The following NUDT4 variants were observed in gnomAD, a reference collection of about 807,000 sequenced individuals.
NUDT4 encodes diphosphoinositol polyphosphate phosphohydrolase 2.
NUDT4 carries 5 observed loss-of-function variants against 23.1 expected under a neutral mutation model. That is an observed-to-expected ratio of 0.22 (90% CI 0.11 to 0.46). The LOEUF (loss-of-function observed/expected upper bound fraction) is 0.46. NUDT4 is among the 20% of genes least tolerant of loss of function. The pLI, the probability that NUDT4 is intolerant of heterozygous loss-of-function variation, is 0.99. For missense variants in NUDT4, 96 were observed against 211.6 expected (o/e 0.45, Z 3.39); for synonymous variants, 50 against 79.0 (o/e 0.63, Z 1.95).
intron 1 of NUDT4, among the ~76,000 whole-genome samples, chr12:93,390,898 T>G (rs1462815361): frequency 1.3e-5 from 2 of 152,188 alleles, no homozygotes; most frequent in Non-Finnish European, 2.9e-5. Flanking sequence ...TGGCCTGGAA[T>G]GCTGCTTTTC....
chr12:93,384,429 A>C (rs749803683), intron 1 of NUDT4, among the ~76,000 whole-genome samples: 7 of 152,064 alleles, frequency 4.6e-5, no homozygotes, highest in Non-Finnish European at 1.0e-4. Context: ...AGCCTCTCAA[A>C]GTGCTGGGAT....
At position 93,401,922 on chromosome 12, in the gene NUDT4, A is replaced by ATTTTT. The variant is rs746372735; in HGVS notation, c.*2557_*2561dup. 3 of 92,774 alleles carry ATTTTT rather than the reference A, an allele frequency of 3.2e-5. No individual in the cohort carries two copies. The highest frequency in any genetic ancestry group is 3.7e-5 in the African/African-American group (1 of 27,084). The allele number at this position is 92,774 out of a possible 1,614,324, so 5.7% of individuals were successfully genotyped here. ...CAGAGTGTTGGGACTGTCATTTGTG[A>ATTTTT]TTTTTTTTTTTTTTTTTTGGTGGGG... On this transcript the variant is annotated 3_prime_UTR_variant, in exon 5 of 5. Transcript: ENST00000415493.
Position 93,402,651 on chromosome 12 carries a change from C to A in NUDT4, c.*3272C>A, listed in dbSNP as rs1269044964. On this transcript the variant is annotated 3_prime_UTR_variant, in exon 5 of 5. Transcript: ENST00000415493. ...TATTCTCCTCATGGATATTTTCAGT[C>A]TCAATGTTGCCAGTCTAATAGTATA... 1 of 152,158 alleles carries A rather than the reference C, an allele frequency of 6.6e-6. No homozygotes were observed. Among genetic ancestry groups the A allele is most frequent in the Non-Finnish European group, 1.5e-5 (1 of 68,038 alleles). The allele number at this position is 152,158 out of a possible 1,614,324, so 9.4% of individuals were successfully genotyped here. A position where few individuals can be genotyped will look rare whatever the true frequency, so the allele number is the denominator to read the frequency against.
rs753311576 is a variant in NUDT4, at chr12:93,398,785, G to A, written c.270G>A (p.Lys90=). The A allele has an allele frequency of 6.2e-7, 1 of 1,603,732 alleles. No homozygotes were observed. Among genetic ancestry groups the A allele is most frequent in the East Asian group, 2.2e-5 (1 of 44,772 alleles). The part of the protein sequence containing the change: ...LLGIFENQDR[K]HRTYVYVLTV... ...TATTCAAGCAGAACCAAGACCGAAAGCACAGAACATATGTTTATGTTCTAA... is the reference window on the plus strand; with the variant it reads ...TATTCAAGCAGAACCAAGACCGAAAACACAGAACATATGTTTATGTTCTAA... Residue 90 remains lysine, a synonymous_variant, in exon 4 of 5, where the codon AAG becomes AAA. Coordinates refer to ENST00000415493, the MANE Select transcript of NUDT4 (RefSeq NM_019094.6).
At chr12:93,390,955 A>G (rs1477942938) in intron 1 of NUDT4, among the ~76,000 whole-genome samples, 2 of 152,078 alleles carry the variant, frequency 1.3e-5, no homozygotes, top group Admixed American at 6.5e-5. Flanking sequence ...TTAACTCAGC[A>G]TTTTGGGGGC....
intron 1 of NUDT4, among the ~76,000 whole-genome samples, chr12:93,387,217 C>T (rs1397871479): frequency 6.6e-6 from 1 of 152,210 alleles, no homozygotes; most frequent in Non-Finnish European, 1.5e-5. Flanking sequence ...CAGGTATGAG[C>T]CACTGCACCC....
Position 93,404,366 on chromosome 12 carries a change from T to G in NUDT4, c.*4987T>G, listed in dbSNP as rs1411616964. 6.6e-6 allele frequency: 1 copy of G among 152,196 alleles called. No individual in the cohort carries two copies. The highest frequency in any genetic ancestry group is 1.5e-5 in the Non-Finnish European group (1 of 68,028). The allele number at this position is 152,196 out of a possible 1,614,324, so 9.4% of individuals were successfully genotyped here. A position where few individuals can be genotyped will look rare whatever the true frequency, so the allele number is the denominator to read the frequency against. ...AATATTACAGTCATTAGAAATGACA[T>G]TTGCGTAAGGATCTGAGTGGAAACT... is the stretch of plus-strand genomic sequence containing the variant. On this transcript the variant is annotated 3_prime_UTR_variant, in exon 5 of 5. Coordinates refer to ENST00000415493, the MANE Select transcript of NUDT4 (RefSeq NM_019094.6).
chr12:93,396,546 A>C (rs966561665), intron 3 of NUDT4, among the ~76,000 whole-genome samples: 3 of 152,204 alleles, frequency 2.0e-5, no homozygotes, highest in African/African-American at 7.2e-5. Context: ...TTTAAGCCTT[A>C]GGAATTCAGA....
intron 1 of NUDT4, among the ~76,000 whole-genome samples, chr12:93,385,970 T>TATATATATATATATACAC (rs1243696865): frequency 2.5e-5 from 3 of 118,610 alleles, no homozygotes; most frequent in East Asian, 5.5e-4. Flanking sequence ...TATATATATA[T>TATATATATATATATACAC]ACATAATTTT....
At chr12:93,379,559 C>G (rs182599687) in intron 1 of NUDT4, among the ~76,000 whole-genome samples, 113 of 151,946 alleles carry the variant, frequency 7.4e-4, no homozygotes, top group African/African-American at 2.4e-3. Flanking sequence ...GAAATTTGCC[C>G]TTCAAACCCT....
rs1436090196 is a variant in NUDT4, at chr12:93,402,169, G to C, written c.*2790G>C. ...AGCAGCAGAACTGAAGGGGAAAAAT[G>C]ATTGTTGTATACACTGAATTGCTTT... On this transcript the variant is annotated 3_prime_UTR_variant, in exon 5 of 5. Transcript: ENST00000415493. The C allele has an allele frequency of 2.6e-5, 4 of 151,786 alleles. No homozygotes were observed. Among genetic ancestry groups the C allele is most frequent in the African/African-American group, 4.8e-5 (2 of 41,372 alleles). The allele number at this position is 151,786 out of a possible 1,614,324, so 9.4% of individuals were successfully genotyped here.
At chr12:93,378,475 G>C in intron 1 of NUDT4, 54 bp downstream of exon 1, 1 of 1,464,946 alleles carries the variant, frequency 6.8e-7, no homozygotes, top group Non-Finnish European at 9.1e-7. Context: ...TCTAGGGCCC[G>C]GGTGCTTCCC....
rs185792206 is a variant in NUDT4 at position 93,406,743 on chromosome 12, T to C, written c.*7364T>C. 6.6e-6 allele frequency: 1 copy of C among 152,344 alleles called. No homozygotes were observed. The highest frequency in any genetic ancestry group is 6.5e-5 in the Admixed American group (1 of 15,302). The allele number at this position is 152,344 out of a possible 1,614,324, so 9.4% of individuals were successfully genotyped here. A position where few individuals can be genotyped will look rare whatever the true frequency, so the allele number is the denominator to read the frequency against. On this transcript the variant is annotated 3_prime_UTR_variant, in exon 5 of 5. Coordinates refer to ENST00000415493, the MANE Select transcript of NUDT4 (RefSeq NM_019094.6). ...TAAATATTAACATAAGCGGGAGGAT[T>C]TGTGTAGATTGTATGCATATACAAC...
chr12:93,390,949 C>A (rs762773891), intron 1 of NUDT4, among the ~76,000 whole-genome samples: 228 of 152,202 alleles, frequency 1.5e-3, no homozygotes, highest in Non-Finnish European at 2.4e-3. Flanking sequence ...TCTCTTTTAA[C>A]TCAGCATTTT....
intron 1 of NUDT4, among the ~76,000 whole-genome samples, chr12:93,391,920 A>G (rs1876537454): frequency 6.6e-6 from 1 of 152,182 alleles, no homozygotes; most frequent in South Asian, 2.1e-4. Context: ...GTCTCACTCC[A>G]TTGCCCAGGC....
At chr12:93,388,070 T>C (rs929216197) in intron 1 of NUDT4, among the ~76,000 whole-genome samples, 6 of 152,210 alleles carry the variant, frequency 3.9e-5, no homozygotes, top group Admixed American at 3.9e-4. Flanking sequence ...TCTGTCACCA[T>C]GACATCTGTG....
chr12:93,378,795 G>C, intron 1 of NUDT4: 3 of 1,004,940 alleles, frequency 3.0e-6, no homozygotes, highest in Non-Finnish European at 3.6e-6. Flanking sequence ...AATGGCGTGA[G>C]TGTTGCAGCA....
chr12:93,385,941 T>TTATATATATATATATATATATA (rs371683658), intron 1 of NUDT4, among the ~76,000 whole-genome samples: 17 of 104,596 alleles, frequency 1.6e-4, no homozygotes, highest in African/African-American at 5.8e-4. Context: ...GTAAATCTTT[T>TTATATATATATATATATATATA]TATATATATA....
Position 93,398,338 on chromosome 12 carries a change from CAAAAAAAAAAAAA to C in NUDT4, c.256-424_256-412del, listed in dbSNP as rs34651915. ...GGCAACAAAGCGAGACTCCCTGTCT[CAAAAAAAAAAAAA>C]AAAAAAAAGAAAAGAACATCAGATA... On this transcript the variant is annotated intron_variant, in intron 3 of 4. Coordinates refer to ENST00000415493, the MANE Select transcript of NUDT4 (RefSeq NM_019094.6). 2.3e-4 allele frequency among the ~76,000 whole-genome samples: 17 copies of C among 75,286 alleles called. No homozygotes were observed. In the East Asian group the frequency reaches 5.6e-3, roughly 25 times the overall value. 49.4% of individuals were successfully genotyped at this position (75,286 alleles called of 152,430 possible).
Sources: gnomAD v4.1 joint callset for allele counts (sites outside exome capture counted in the v4.1 genomes callset) on GRCh38, gnomAD v4.1.1 for gene constraint, MANE v1.5 for transcripts, NCBI Gene and HGNC (gene_info 2026-07-23, HGNC 2026-07-21) for gene names.